SBF2: variants seen among roughly 807,000 people sequenced by gnomAD.
The protein encoded by SBF2 is myotubularin-related protein 13.
A neutral mutation model predicts 225.2 loss-of-function variants in SBF2; 112 were observed. The observed-to-expected ratio is 0.50, with a 90% CI of 0.43 to 0.58. The LOEUF (loss-of-function observed/expected upper bound fraction) is 0.58, where lower values mean the gene tolerates loss of function less well. Among genes scored for constraint, SBF2 ranks in the 20% least tolerant of loss-of-function variants. SBF2 has a pLI of 0.00. For synonymous variants in SBF2, 763 were observed against 773.3 expected (o/e 0.99, Z 0.22); for missense variants, 1,996 against 2,206.2 (o/e 0.90, Z 1.91).
intron 1 of SBF2, among the ~76,000 whole-genome samples, chr11:10,300,398 G>T (rs1284787092): frequency 6.6e-6 from 1 of 152,090 alleles, no homozygotes; most frequent in Non-Finnish European, 1.5e-5. Flanking sequence ...GAGCACAGTG[G>T]CTCATACCTG....
chr11:9,886,417 C>T (rs1310097817), intron 17 of SBF2, among the ~76,000 whole-genome samples: 1 of 152,064 alleles, frequency 6.6e-6, no homozygotes, highest in Non-Finnish European at 1.5e-5. Flanking sequence ...GTAATCATCT[C>T]TCTGTAGAAG....
chr11:9,927,790 G>A (rs190489940), intron 16 of SBF2, among the ~76,000 whole-genome samples: 27 of 152,158 alleles, frequency 1.8e-4, no homozygotes, highest in Non-Finnish European at 2.5e-4. Context: ...ACAGATAAGA[G>A]AGTATCTACA....
At chr11:10,256,419 A>T (rs555881993) in intron 1 of SBF2, among the ~76,000 whole-genome samples, 2 of 152,322 alleles carry the variant, frequency 1.3e-5, no homozygotes, top group African/African-American at 4.8e-5. Context: ...GAGCTATTGG[A>T]CAGAGTTCCT....
chr11:9,901,954 G>T (rs1189389320), intron 16 of SBF2, among the ~76,000 whole-genome samples: 1 of 152,156 alleles, frequency 6.6e-6, no homozygotes, highest in Non-Finnish European at 1.5e-5. Flanking sequence ...AATTATCCCA[G>T]CATAAAGCAG....
chr11:10,117,755 C>G (rs1026498832), intron 2 of SBF2, among the ~76,000 whole-genome samples: 1 of 148,700 alleles, frequency 6.7e-6, no homozygotes, highest in Admixed American at 6.7e-5. Flanking sequence ...CTCTTGGGTG[C>G]TATTTCCATG....
In SBF2 at chr11:9,853,603, T is replaced by C; in HGVS notation, c.2473A>G (p.Lys825Glu). 2 of 1,614,016 alleles carry C rather than the reference T, an allele frequency of 1.2e-6. No homozygotes were observed. Among genetic ancestry groups the C allele is most frequent in the Non-Finnish European group, 1.7e-6 (2 of 1,179,952 alleles). ...VVRFITRFID[K>E]VCTESGVTQD... Reference sequence around the variant, plus strand: ...GTAACTCCACTCTCTGTACAAACTTTGTCAATAAATCGGGTAATGAACCGC... The same window carrying C: ...GTAACTCCACTCTCTGTACAAACTTCGTCAATAAATCGGGTAATGAACCGC... The change falls in exon 20 of 40, where the codon AAA becomes GAA. Residue 825 changes from lysine (K) to glutamate (E), a missense_variant. By Grantham distance (56) the Lys-to-Glu change is moderately conservative (BLOSUM62 1). Coordinates refer to ENST00000256190, the MANE Select transcript of SBF2 (RefSeq NM_030962.4).
intron 2 of SBF2, among the ~76,000 whole-genome samples, chr11:10,156,169 G>A (rs963613704): frequency 3.9e-5 from 6 of 152,224 alleles, no homozygotes; most frequent in Admixed American, 1.3e-4. Context: ...TCTGATTTCA[G>A]AGAAAAGCTG....
chr11:10,300,645 T>C (rs1197584763), intron 1 of SBF2, among the ~76,000 whole-genome samples: 1 of 152,130 alleles, frequency 6.6e-6, no homozygotes. Context: ...TCTCTTTGGC[T>C]ATGGATGATT....
At chr11:9,816,788 A>G (rs1854479065) in intron 29 of SBF2, 52 bp downstream of exon 29, 3 of 1,569,704 alleles carry the variant, frequency 1.9e-6, no homozygotes, top group Admixed American at 3.4e-5. Flanking sequence ...AGGTTTTATC[A>G]ACAGCCCTAG....
At chr11:10,026,145 T>C (rs375446474) in intron 6 of SBF2, among the ~76,000 whole-genome samples, 4 of 151,608 alleles carry the variant, frequency 2.6e-5, no homozygotes, top group African/African-American at 9.7e-5. Flanking sequence ...TGACGCTAAA[T>C]GCTGGTTACA....
At chr11:10,154,533 TAA>T (rs1431050283) in intron 2 of SBF2, among the ~76,000 whole-genome samples, 1 of 152,138 alleles carries the variant, frequency 6.6e-6, no homozygotes, top group Non-Finnish European at 1.5e-5. Flanking sequence ...TGCCACATAC[TAA>T]GTCTTCTTCC....
At chr11:10,274,970 T>C (rs1281602033) in intron 1 of SBF2, among the ~76,000 whole-genome samples, 1 of 152,156 alleles carries the variant, frequency 6.6e-6, no homozygotes, top group Non-Finnish European at 1.5e-5. Context: ...TGCAGAAGCA[T>C]GCACCAGAAA....
chr11:9,857,959 T>G (rs1162656555), intron 18 of SBF2, among the ~76,000 whole-genome samples: 1 of 152,214 alleles, frequency 6.6e-6, no homozygotes, highest in African/African-American at 2.4e-5. Flanking sequence ...GTTCTTTCTA[T>G]TCAACTTCCT....
rs1231649628 is a variant in SBF2, at chr11:9,790,414, G to A, written c.4698+142C>T. ...TTGTGTCACAACCCAAACCTATAGT[G>A]TCTCAAACTTTGAAATAGCTTTTTG... On this transcript the variant is annotated intron_variant, in intron 34 of 39. Coordinates refer to ENST00000256190, the MANE Select transcript of SBF2 (RefSeq NM_030962.4). 5 of 651,594 alleles carry A rather than the reference G, an allele frequency of 7.7e-6. No homozygotes were observed. In the East Asian group the frequency reaches 1.5e-4, roughly 20 times the overall value. The allele number at this position is 651,594 out of a possible 1,614,324, so 40.4% of individuals were successfully genotyped here.
intron 1 of SBF2, among the ~76,000 whole-genome samples, chr11:10,196,866 A>ATATATATATATTTTTTTTTTTTTT: frequency 8.1e-5 from 8 of 99,312 alleles, no homozygotes; most frequent in African/African-American, 2.4e-4. Flanking sequence ...ATATATATAT[A>ATATATATATATTTTTTTTTTTTTT]TTTTTTTTTT....
intron 13 of SBF2, among the ~76,000 whole-genome samples, chr11:9,980,858 G>A (rs886641208): frequency 3.9e-5 from 6 of 152,210 alleles, no homozygotes; most frequent in East Asian, 1.9e-4. Flanking sequence ...GAGCCACTGC[G>A]CCCAGCAATA....
chr11:10,006,103 A>G (rs1354618414), intron 6 of SBF2, among the ~76,000 whole-genome samples: 1 of 151,768 alleles, frequency 6.6e-6, no homozygotes, highest in Non-Finnish European at 1.5e-5. Flanking sequence ...AACCCACACC[A>G]CCTATTCTCC....
chr11:10,165,234 G>T (rs1189105619), intron 2 of SBF2: 1 of 152,194 alleles, frequency 6.6e-6, no homozygotes, highest in African/African-American at 2.4e-5. Flanking sequence ...ACAAGGGACA[G>T]CTACCTGATC....
At chr11:10,230,596 C>G (rs1328229671) in intron 1 of SBF2, among the ~76,000 whole-genome samples, 3 of 152,080 alleles carry the variant, frequency 2.0e-5, no homozygotes, top group Admixed American at 6.6e-5. Context: ...ATATGAAATT[C>G]TGGGTTGAAA....
Sources: gnomAD v4.1 joint callset for allele counts (sites outside exome capture counted in the v4.1 genomes callset) on GRCh38, gnomAD v4.1.1 for gene constraint, MANE v1.5 for transcripts, NCBI Gene and HGNC (gene_info 2026-07-23, HGNC 2026-07-21) for gene names.